The following FOXP1 variants were observed in gnomAD, a reference collection of about 807,000 sequenced individuals.
FOXP1 encodes forkhead box protein P1.
FOXP1 carries 15 observed loss-of-function variants against 98.2 expected under a neutral mutation model. The observed-to-expected ratio is 0.15, with a 90% CI of 0.10 to 0.24. The LOEUF (loss-of-function observed/expected upper bound fraction) is 0.24. Ranked by LOEUF, FOXP1 falls within the 10% of genes least tolerant of loss-of-function variation. The pLI is 1.00. For missense variants in FOXP1, 633 were observed against 848.5 expected, an observed-to-expected ratio of 0.75 and a Z score of 3.15; for synonymous variants, 371 against 314.5, an observed-to-expected ratio of 1.18 and a Z score of -1.90.
intron 2 of FOXP1, among the ~76,000 whole-genome samples, chr3:71,577,987 C>G (rs1280287501): frequency 6.6e-6 from 1 of 151,432 alleles, no homozygotes; most frequent in Non-Finnish European, 1.5e-5. Flanking sequence ...GCTGGTATAG[C>G]AAAAATGGCA....
At chr3:71,339,789 T>C (rs2076909264) in intron 4 of FOXP1, among the ~76,000 whole-genome samples, 1 of 152,172 alleles carries the variant, frequency 6.6e-6, no homozygotes, top group African/African-American at 2.4e-5. Flanking sequence ...ACAAAGACGA[T>C]AATTCCTCTC....
At chr3:71,413,238 CACACACACATCCCCCAAATAG>C (rs1297707588) in intron 3 of FOXP1, among the ~76,000 whole-genome samples, 1 of 82,744 alleles carries the variant, frequency 1.2e-5, no homozygotes, top group African/African-American at 5.7e-5. Context: ...CCCAAATAGA[CACACACACATCCCCCAAATAG>C]ACACACACAC....
intron 2 of FOXP1, among the ~76,000 whole-genome samples, chr3:71,525,760 T>C (rs1040546242): frequency 2.0e-5 from 3 of 152,188 alleles, no homozygotes; most frequent in African/African-American, 7.2e-5. Context: ...TTCTTTTTGG[T>C]GTAAGATGAT....
intron 7 of FOXP1, among the ~76,000 whole-genome samples, chr3:71,067,763 C>CACACACACAA (rs374096871): frequency 0.017 from 2,537 of 149,794 alleles, 85 homozygotes; most frequent in African/African-American, 0.061. Flanking sequence ...CACACACACA[C>CACACACACAA]AATTAGCCAC....
rs995175347 is a variant in FOXP1, at chr3:71,210,347, TC to T, written c.-11-11956del. Among the ~76,000 whole-genome samples, 27 of 152,308 alleles carry T rather than the reference TC, an allele frequency of 1.8e-4. 1 individual carries two copies. The highest frequency in any genetic ancestry group is 6.3e-4 in the African/African-American group (26 of 41,558). On this transcript the variant is annotated intron_variant, in intron 5 of 20. Transcript: ENST00000649528. Reference sequence around the variant, plus strand: ...TTTGTTTTGTTGCTCTGTGGTTTGTTCCCTAAGTCCCTCTCTGCCAACCATC... The same window carrying T: ...TTTGTTTTGTTGCTCTGTGGTTTGTTCCTAAGTCCCTCTCTGCCAACCATC...
chr3:71,348,417 G>A (rs1186173140), intron 4 of FOXP1, among the ~76,000 whole-genome samples: 1 of 152,154 alleles, frequency 6.6e-6, no homozygotes, highest in Non-Finnish European at 1.5e-5. Context: ...GAAGCTTGGA[G>A]TGGGAGGCTG....
Position 70,957,785 on chromosome 3 carries a change from A to AAACT in FOXP1, c.*1458_*1461dup, listed in dbSNP as rs1368302197. The AAACT allele has an allele frequency of 1.3e-5, 3 of 233,948 alleles. No homozygotes were observed. The highest frequency in any genetic ancestry group is 2.5e-5 in the Non-Finnish European group (3 of 118,322). 14.5% of individuals were successfully genotyped at this position (233,948 alleles called of 1,614,324 possible). A position where few individuals can be genotyped will look rare whatever the true frequency, so the allele number is the denominator to read the frequency against. The stretch of plus-strand genomic sequence containing the variant: ...GGTTGGTGATATAATATTGCATAAC[A>AAACT]AACTGCAGTACCAAATTTGCATATT... On this transcript the variant is annotated 3_prime_UTR_variant, in exon 21 of 21. Transcript: ENST00000649528.
intron 5 of FOXP1, among the ~76,000 whole-genome samples, chr3:71,213,010 G>A (rs550210505): frequency 4.6e-5 from 7 of 151,534 alleles, no homozygotes; most frequent in African/African-American, 9.7e-5. Context: ...GCCTCCTTTC[G>A]TATTTGTAGC....
intron 11 of FOXP1, among the ~76,000 whole-genome samples, chr3:71,021,338 G>C (rs1024344413): frequency 6.6e-6 from 1 of 152,014 alleles, no homozygotes; most frequent in East Asian, 1.9e-4. Flanking sequence ...CATAATCCTC[G>C]GAGTTTCATT....
At chr3:71,512,328 GAGA>G (rs1243292982) in intron 2 of FOXP1, among the ~76,000 whole-genome samples, 1 of 152,084 alleles carries the variant, frequency 6.6e-6, no homozygotes, top group Non-Finnish European at 1.5e-5. Context: ...CCCATCTCAG[GAGA>G]AGATTTAAGA....
intron 2 of FOXP1, among the ~76,000 whole-genome samples, chr3:71,529,795 C>T (rs957935127): frequency 3.9e-5 from 6 of 152,124 alleles, no homozygotes; most frequent in Admixed American, 6.5e-5. Context: ...CCTTGTCCTG[C>T]GACTGTCTTC....
intron 6 of FOXP1, among the ~76,000 whole-genome samples, chr3:71,118,375 G>A (rs1327802388): frequency 2.6e-5 from 4 of 152,148 alleles, no homozygotes; most frequent in Non-Finnish European, 4.4e-5. Context: ...TGCTTATAGG[G>A]GCTAGGTAAT....
At chr3:71,185,863 C>G (rs961233598) in intron 6 of FOXP1, among the ~76,000 whole-genome samples, 4 of 152,310 alleles carry the variant, frequency 2.6e-5, no homozygotes, top group South Asian at 4.1e-4. Flanking sequence ...TGTGCACATA[C>G]TGAGACTCTT....
chr3:71,177,067 C>T (rs926721538), intron 6 of FOXP1, among the ~76,000 whole-genome samples: 1 of 151,788 alleles, frequency 6.6e-6, no homozygotes, highest in African/African-American at 2.4e-5. Context: ...GTCTCAAAAA[C>T]AAAAACAAAT....
chr3:71,451,329 T>G (rs1482273723), intron 3 of FOXP1, among the ~76,000 whole-genome samples: 1 of 152,144 alleles, frequency 6.6e-6, no homozygotes, highest in Non-Finnish European at 1.5e-5. Context: ...AGTCCCTTTA[T>G]AAAAGGATTG....
intron 3 of FOXP1, among the ~76,000 whole-genome samples, chr3:71,381,415 G>A (rs887527232): frequency 2.7e-5 from 4 of 149,974 alleles, no homozygotes; most frequent in African/African-American, 9.8e-5. Flanking sequence ...TAGGATTACA[G>A]GCGTGAGCCA....
intron 2 of FOXP1, among the ~76,000 whole-genome samples, chr3:71,559,047 G>A (rs1431067570): frequency 3.3e-5 from 5 of 152,080 alleles, no homozygotes; most frequent in African/African-American, 9.7e-5. Context: ...CTTGTGATCC[G>A]CCCGCCTTGG....
At chr3:71,408,051 C>G (rs940673232) in intron 3 of FOXP1, among the ~76,000 whole-genome samples, 9 of 152,178 alleles carry the variant, frequency 5.9e-5, no homozygotes, top group South Asian at 2.1e-4. Flanking sequence ...TCCCTGCCAA[C>G]GACTCCCTTC....
At chr3:71,064,936 G>C (rs1252338673) in intron 7 of FOXP1, 2 of 297,334 alleles carry the variant, frequency 6.7e-6, no homozygotes, top group Non-Finnish European at 9.8e-6. Flanking sequence ...CGCGCGCAGG[G>C]GCGCTCCGGC....
Sources: gnomAD v4.1 joint callset for allele counts (sites outside exome capture counted in the v4.1 genomes callset) on GRCh38, gnomAD v4.1.1 for gene constraint, MANE v1.5 for transcripts, NCBI Gene and HGNC (gene_info 2026-07-23, HGNC 2026-07-21) for gene names.